DPF3: variants seen among roughly 807,000 people sequenced by gnomAD.
The protein encoded by DPF3 is zinc finger protein DPF3.
Under a neutral mutation model 56.8 loss-of-function variants are expected in DPF3, and 18 were observed. The ratio of observed to expected loss-of-function variants is 0.32; its 90% CI spans 0.22 to 0.47. The LOEUF (loss-of-function observed/expected upper bound fraction) is 0.47, where lower values mean the gene tolerates loss of function less well. Among genes scored for constraint, DPF3 ranks in the 20% least tolerant of loss-of-function variants. DPF3 has a pLI of 1.00. For synonymous variants in DPF3, 188 were observed against 180.2 expected (o/e 1.04, Z -0.35); for missense variants, 403 against 488.8 (o/e 0.82, Z 1.65).
chr14:72,836,476 G>A (rs937441444), intron 1 of DPF3: 7 of 985,556 alleles, frequency 7.1e-6, no homozygotes, highest in Non-Finnish European at 8.4e-6. Context: ...GAGAAGGAGC[G>A]CAATGAAACT....
chr14:72,763,165 T>C (rs932698675), intron 2 of DPF3, among the ~76,000 whole-genome samples: 3 of 151,988 alleles, frequency 2.0e-5, no homozygotes, highest in Non-Finnish European at 2.9e-5. Context: ...ATACTGAAAA[T>C]TGTCAATTTT....
chr14:72,635,204 A>G (rs996700756), intron 8 of DPF3, among the ~76,000 whole-genome samples: 1 of 152,162 alleles, frequency 6.6e-6, no homozygotes, highest in Non-Finnish European at 1.5e-5. Context: ...TCAGGGTGCT[A>G]TTTCAGCAGA....
intron 1 of DPF3, among the ~76,000 whole-genome samples, chr14:72,847,727 G>A (rs965681647): frequency 2.0e-5 from 3 of 152,084 alleles, no homozygotes; most frequent in Non-Finnish European, 2.9e-5. Flanking sequence ...GGCCAAGCTA[G>A]TCTTAAACTC....
At chr14:72,780,105 C>T (rs185742345) in intron 1 of DPF3, among the ~76,000 whole-genome samples, 1 of 152,334 alleles carries the variant, frequency 6.6e-6, no homozygotes, top group East Asian at 1.9e-4. Flanking sequence ...CCTCTGACCC[C>T]CCTGCATATA....
At chr14:72,879,703 A>T (rs1462615820) in intron 1 of DPF3, 1 of 1,396,724 alleles carries the variant, frequency 7.2e-7, no homozygotes, top group Non-Finnish European at 9.4e-7. Context: ...TTGCTCAGAC[A>T]CCAGGGGAAT....
intron 4 of DPF3, among the ~76,000 whole-genome samples, chr14:72,728,627 G>A (rs965084633): frequency 7.2e-5 from 11 of 152,070 alleles, no homozygotes; most frequent in African/African-American, 2.7e-4. Context: ...GGGAAGAACT[G>A]GGGACAGGGC....
intron 2 of DPF3, among the ~76,000 whole-genome samples, chr14:72,767,774 A>AC: frequency 6.7e-6 from 1 of 148,784 alleles, no homozygotes; most frequent in Non-Finnish European, 1.5e-5. Context: ...AAAAAAAAAA[A>AC]AAAAACCCCA....
At chr14:72,863,320 G>C (rs578142309) in intron 1 of DPF3, among the ~76,000 whole-genome samples, 10 of 151,858 alleles carry the variant, frequency 6.6e-5, no homozygotes, top group Non-Finnish European at 1.2e-4. Flanking sequence ...GCTGGAAACT[G>C]TGTGCTCAGT....
At chr14:72,792,636 G>A (rs1415084718) in intron 1 of DPF3, among the ~76,000 whole-genome samples, 1 of 151,888 alleles carries the variant, frequency 6.6e-6, no homozygotes, top group South Asian at 2.1e-4. Context: ...TCAGTCCCCA[G>A]GGTAACAAAG....
intron 6 of DPF3, among the ~76,000 whole-genome samples, chr14:72,698,168 C>G (rs1887992174): frequency 6.6e-6 from 1 of 152,230 alleles, no homozygotes. Flanking sequence ...TCAATACAGA[C>G]AGTCCGCAAT....
chr14:72,884,971 T>TATATATATATATATA (rs10523148), intron 1 of DPF3, among the ~76,000 whole-genome samples: 227 of 111,534 alleles, frequency 2.0e-3, no homozygotes, highest in Non-Finnish European at 2.8e-3. Flanking sequence ...TATATATATA[T>TATATATATATATATA]TAGCCGGGCG....
chr14:72,783,968 TCACG>T (rs1358347307), intron 1 of DPF3, among the ~76,000 whole-genome samples: 2 of 152,108 alleles, frequency 1.3e-5, no homozygotes, highest in Non-Finnish European at 2.9e-5. Context: ...AGTCTCCCCA[TCACG>T]CACCTGCTGG....
At chr14:72,821,133 C>CAAAAAAAAA (rs976081670) in intron 1 of DPF3, among the ~76,000 whole-genome samples, 2 of 116,900 alleles carry the variant, frequency 1.7e-5, no homozygotes, top group Non-Finnish European at 1.8e-5. Context: ...AACTCTATCT[C>CAAAAAAAAA]AAAAAAAAAA....
chr14:72,847,258 T>G (rs1884796846), intron 1 of DPF3, among the ~76,000 whole-genome samples: 2 of 152,198 alleles, frequency 1.3e-5, no homozygotes, highest in African/African-American at 2.4e-5. Flanking sequence ...CATTCAATCC[T>G]CAAACCAATC....
rs1194063896 is a variant in DPF3, at chr14:72,711,586, C to A, written c.604+2837G>T. Among the ~76,000 whole-genome samples the A allele has an allele frequency of 2.0e-5, 3 of 151,976 alleles. No homozygotes were observed. The East Asian group carries it at 5.8e-4, about 29-fold the overall frequency. On this transcript the variant is annotated intron_variant, in intron 6 of 10. Coordinates refer to ENST00000556509, the MANE Select transcript of DPF3 (RefSeq NM_001280542.3). ...TAGGAGTGCCATGCTTAAGTGTAGA[C>A]CTGGAAGGGAATTCCAAGCAGGGTG...
At chr14:72,658,469 G>A (rs1242215465) in intron 8 of DPF3, among the ~76,000 whole-genome samples, 3 of 152,052 alleles carry the variant, frequency 2.0e-5, no homozygotes, top group Admixed American at 1.3e-4. Flanking sequence ...TCTTAGAAAA[G>A]AAGGGTAAAA....
chr14:72,631,136 C>T (rs1293747207), intron 8 of DPF3, among the ~76,000 whole-genome samples: 2 of 152,052 alleles, frequency 1.3e-5, no homozygotes, highest in Admixed American at 1.3e-4. Context: ...TTGGAGAGGG[C>T]GAGGGGTGTA....
rs182391914 is a variant in DPF3 at position 72,782,180 on chromosome 14, A to G, written c.33-10287T>C. On this transcript the variant is annotated intron_variant, in intron 1 of 10. Coordinates refer to ENST00000556509, the MANE Select transcript of DPF3 (RefSeq NM_001280542.3). ...CGGTCTGGTATTTAACACGGCCACA[A>G]AGAACATGTTGTTCTATAGTCAATT... Among the ~76,000 whole-genome samples the G allele has an allele frequency of 4.5e-3, 666 of 148,850 alleles. 8 individuals are homozygous for G. Among genetic ancestry groups the G allele is most frequent in the African/African-American group, 0.017 (644 of 38,352 alleles).
chr14:72,656,608 C>A (rs1886069526), intron 8 of DPF3, among the ~76,000 whole-genome samples: 1 of 152,192 alleles, frequency 6.6e-6, no homozygotes, highest in Admixed American at 6.5e-5. Flanking sequence ...CATTTTCTAA[C>A]TTTTAGTTTG....
Sources: gnomAD v4.1 joint callset for allele counts (sites outside exome capture counted in the v4.1 genomes callset) on GRCh38, gnomAD v4.1.1 for gene constraint, MANE v1.5 for transcripts, NCBI Gene and HGNC (gene_info 2026-07-23, HGNC 2026-07-21) for gene names.